EPHA6: variants seen among roughly 807,000 people sequenced by gnomAD.
EPHA6 encodes the protein EPH receptor A6.
Under a neutral mutation model 112.0 loss-of-function variants are expected in EPHA6, and 50 were observed. The ratio of observed to expected loss-of-function variants is 0.45; its 90% CI spans 0.36 to 0.56. The LOEUF (loss-of-function observed/expected upper bound fraction) is 0.56. Among genes scored for constraint, EPHA6 ranks in the 20% least tolerant of loss-of-function variants. The probability of loss-of-function intolerance (pLI) is 0.00; values close to 1 mark genes in which losing one functional copy is unlikely to be tolerated. For missense variants in EPHA6, 1,280 were observed against 1,417.4 expected (o/e 0.90, Z 1.56); for synonymous variants, 529 against 490.7 (o/e 1.08, Z -1.03).
At chr3:97,422,846 G>T (rs888735524) in intron 6 of EPHA6, among the ~76,000 whole-genome samples, 5 of 152,178 alleles carry the variant, frequency 3.3e-5, no homozygotes, top group African/African-American at 1.2e-4. Flanking sequence ...GGGATGCAAG[G>T]TTGGTTCAAC....
intron 3 of EPHA6, among the ~76,000 whole-genome samples, chr3:97,117,010 G>A (rs2047907791): frequency 6.6e-6 from 1 of 151,542 alleles, no homozygotes; most frequent in East Asian, 1.9e-4. Flanking sequence ...TTGTCTTTTT[G>A]GTAATAGCCC....
At chr3:97,326,470 A>C (rs1398772968) in intron 5 of EPHA6, among the ~76,000 whole-genome samples, 1 of 151,948 alleles carries the variant, frequency 6.6e-6, no homozygotes, top group Non-Finnish European at 1.5e-5. Context: ...AAAATGACTT[A>C]ATCATGAAAA....
At chr3:97,275,786 G>C (rs868399400) in intron 5 of EPHA6, among the ~76,000 whole-genome samples, 5 of 150,020 alleles carry the variant, frequency 3.3e-5, no homozygotes, top group South Asian at 2.1e-4. Flanking sequence ...TGCATGATCG[G>C]TCGCCAAGGA....
rs201013994 is a variant in EPHA6 at position 97,514,004 on chromosome 3, T to TA, written c.2201-18351dup. ...CTTAAAAGAATGATATAATTCAGCC[T>TA]AAATGGAAACTAATATTGAGAATTT... is the stretch of plus-strand genomic sequence containing the variant. On this transcript the variant is annotated intron_variant, in intron 10 of 17. Coordinates refer to ENST00000389672, the MANE Select transcript of EPHA6 (RefSeq NM_001080448.3). Among the ~76,000 whole-genome samples the TA allele has an allele frequency of 6.5e-3, 992 of 152,246 alleles. 10 individuals are homozygous for TA. Among genetic ancestry groups the TA allele is most frequent in the African/African-American group, 0.022 (912 of 41,552 alleles).
chr3:97,654,490 C>G (rs1406264611), intron 14 of EPHA6, among the ~76,000 whole-genome samples: 1 of 151,810 alleles, frequency 6.6e-6, no homozygotes, highest in Non-Finnish European at 1.5e-5. Context: ...AAGATAATCT[C>G]AGATAGTGAT....
At chr3:96,898,470 T>C (rs956359849) in intron 2 of EPHA6, among the ~76,000 whole-genome samples, 49 of 152,326 alleles carry the variant, frequency 3.2e-4, no homozygotes, top group African/African-American at 1.1e-3. Context: ...TTGTCTGACC[T>C]GGGAGTCAAA....
chr3:97,396,722 T>G (rs1313652526), intron 5 of EPHA6, among the ~76,000 whole-genome samples: 1 of 151,706 alleles, frequency 6.6e-6, no homozygotes, highest in Non-Finnish European at 1.5e-5. Flanking sequence ...ATTCTTATCT[T>G]TAAAATAAAG....
intron 12 of EPHA6, among the ~76,000 whole-genome samples, chr3:97,596,096 G>A (rs764511223): frequency 6.6e-6 from 1 of 151,498 alleles, no homozygotes; most frequent in Non-Finnish European, 1.5e-5. Context: ...TAGTAGAGGC[G>A]GGGTTTCACT....
chr3:96,858,409 A>G (rs1341409797), intron 1 of EPHA6, among the ~76,000 whole-genome samples: 1 of 152,148 alleles, frequency 6.6e-6, no homozygotes, highest in Non-Finnish European at 1.5e-5. Context: ...GGAAGCAGAT[A>G]GGAAAAGATG....
intron 3 of EPHA6, among the ~76,000 whole-genome samples, chr3:97,024,650 A>C (rs1251272565): frequency 6.6e-6 from 1 of 152,204 alleles, no homozygotes; most frequent in Non-Finnish European, 1.5e-5. Flanking sequence ...TCATGTTTAC[A>C]TGGTTTTTTT....
At chr3:97,415,195 G>A (rs199853798) in intron 6 of EPHA6, among the ~76,000 whole-genome samples, 2 of 152,064 alleles carry the variant, frequency 1.3e-5, no homozygotes, top group East Asian at 3.9e-4. Context: ...GAGTCATTAG[G>A]AGTAGTTATC....
chr3:96,932,107 G>A (rs2040355126), intron 2 of EPHA6, among the ~76,000 whole-genome samples: 1 of 152,060 alleles, frequency 6.6e-6, no homozygotes, highest in Admixed American at 6.5e-5. Context: ...GGTTGGGGGT[G>A]GGGGTTCCTT....
At chr3:97,699,649 C>T (rs1342044897) in intron 14 of EPHA6, among the ~76,000 whole-genome samples, 2 of 152,198 alleles carry the variant, frequency 1.3e-5, no homozygotes, top group Non-Finnish European at 2.9e-5. Flanking sequence ...ATCTGATAAA[C>T]AGTTCCCAAG....
At chr3:97,043,969 G>A (rs2045411810) in intron 3 of EPHA6, among the ~76,000 whole-genome samples, 1 of 152,088 alleles carries the variant, frequency 6.6e-6, no homozygotes, top group Admixed American at 6.6e-5. Flanking sequence ...GTTTAGCAGG[G>A]CACTCATGGT....
At chr3:97,102,756 T>G (rs915454419) in intron 3 of EPHA6, among the ~76,000 whole-genome samples, 1 of 152,030 alleles carries the variant, frequency 6.6e-6, no homozygotes. Flanking sequence ...TATAAGCATT[T>G]CCTTTTCTCC....
intron 5 of EPHA6, among the ~76,000 whole-genome samples, chr3:97,391,490 C>T (rs1479158325): frequency 1.3e-5 from 2 of 151,886 alleles, no homozygotes; most frequent in Non-Finnish European, 2.9e-5. Flanking sequence ...GATCCTATTT[C>T]TTCACCTTTA....
intron 13 of EPHA6, among the ~76,000 whole-genome samples, chr3:97,611,829 A>G (rs959430409): frequency 6.6e-6 from 1 of 151,900 alleles, no homozygotes; most frequent in African/African-American, 2.4e-5. Context: ...TGTTATGTGA[A>G]TAAGTTCTGT....
intron 4 of EPHA6, among the ~76,000 whole-genome samples, chr3:97,228,813 A>G (rs900038858): frequency 2.6e-5 from 4 of 152,092 alleles, no homozygotes; most frequent in Non-Finnish European, 2.9e-5. Context: ...TATCCGTGGT[A>G]GTTGTACTGG....
At chr3:97,253,708 T>A (rs2079212423) in intron 5 of EPHA6, among the ~76,000 whole-genome samples, 1 of 152,142 alleles carries the variant, frequency 6.6e-6, no homozygotes. Context: ...ACAAAAATTA[T>A]CTTCTGCTGA....
Sources: gnomAD v4.1 joint callset for allele counts (sites outside exome capture counted in the v4.1 genomes callset) on GRCh38, gnomAD v4.1.1 for gene constraint, MANE v1.5 for transcripts, NCBI Gene and HGNC (gene_info 2026-07-23, HGNC 2026-07-21) for gene names.